HMCN2: variants seen among roughly 807,000 people sequenced by gnomAD.
The protein encoded by HMCN2 is hemicentin-2.
A neutral mutation model predicts 377.5 loss-of-function variants in HMCN2; 325 were observed. The observed-to-expected ratio is 0.86, with a 90% confidence interval of 0.79 to 0.94. HMCN2 has a LOEUF of 0.94. Ranked by LOEUF, HMCN2 falls within the 40% of genes least tolerant of loss-of-function variation. The probability of loss-of-function intolerance (pLI) is 0.00; values close to 1 mark genes in which losing one functional copy is unlikely to be tolerated. For synonymous variants in HMCN2, 2,007 were observed against 2,046.8 expected (o/e 0.98, Z 0.53); for missense variants, 4,543 against 4,725.3 (o/e 0.96, Z 1.13).
chr9:130,329,695 G>A (rs914741811), intron 22 of HMCN2, among the ~76,000 whole-genome samples: 36 of 151,994 alleles, frequency 2.4e-4, no homozygotes, highest in Admixed American at 2.2e-3. Context: ...CACCCGCCTC[G>A]GTCTCCCAAA....
Position 130,309,514 on chromosome 9 carries a change from C to CAA in HMCN2, c.2201-376_2201-375dup, listed in dbSNP as rs143190808. Among the ~76,000 whole-genome samples the CAA allele has an allele frequency of 5.7e-3, 410 of 71,776 alleles. 4 individuals are homozygous for CAA. Among genetic ancestry groups the CAA allele is most frequent in the African/African-American group, 8.7e-3 (156 of 18,016 alleles). The allele number at this position is 71,776 out of a possible 152,430, so 47.1% of individuals were successfully genotyped here. Reference sequence around the variant, plus strand: ...TAGGCAACAGAGGAAGACTCTGTCTCAAAAAAAAAAAAAAAAAAAAAAAGG... The same window carrying CAA: ...TAGGCAACAGAGGAAGACTCTGTCTCAAAAAAAAAAAAAAAAAAAAAAAAAGG... On this transcript the variant is annotated intron_variant, in intron 14 of 97. Transcript: ENST00000683500.
chr9:130,388,173 A>G (rs1842116268), intron 61 of HMCN2, among the ~76,000 whole-genome samples: 1 of 152,130 alleles, frequency 6.6e-6, no homozygotes, highest in Non-Finnish European at 1.5e-5. Context: ...CAGGTTAAGG[A>G]CTGTGGGTGA....
At chr9:130,323,157 G>T (rs943077536) in intron 19 of HMCN2, among the ~76,000 whole-genome samples, 100 of 152,266 alleles carry the variant, frequency 6.6e-4, no homozygotes, top group African/African-American at 2.3e-3. Flanking sequence ...GCTTCTGTGG[G>T]GCTAACATGA....
At chr9:130,283,430 A>T (rs1258785879) in intron 1 of HMCN2, among the ~76,000 whole-genome samples, 1 of 7,112 alleles carries the variant, frequency 1.4e-4, no homozygotes, top group Non-Finnish European at 2.9e-4. Flanking sequence ...CCCACCCCCC[A>T]CTCAGTGACG....
intron 57 of HMCN2, among the ~76,000 whole-genome samples, chr9:130,383,833 T>C (rs1274397685): frequency 1.3e-5 from 2 of 152,128 alleles, no homozygotes; most frequent in African/African-American, 4.8e-5. Flanking sequence ...CCACCACCAT[T>C]ACTGAGCACT....
chr9:130,391,845 C>T (rs1842337561), intron 65 of HMCN2, 90 bp from the exon 66 acceptor site: 6 of 791,528 alleles, frequency 7.6e-6, no homozygotes, highest in Non-Finnish European at 9.2e-6. Flanking sequence ...CGGCAGAAGT[C>T]CAGGTCTCCA....
intron 84 of HMCN2, 154 bp from the exon 85 acceptor site, chr9:130,410,417 G>GC: frequency 1.6e-6 from 1 of 611,520 alleles, no homozygotes; most frequent in Non-Finnish European, 2.9e-6. Context: ...GGTCACAGAG[G>GC]CCCTTCTGAT....
At position 130,433,381 on chromosome 9, in the gene HMCN2, C is replaced by T; in HGVS notation, c.14928C>T (p.Gly4976=). ...TCFRRCSQDC[G]TGGPSTLQYR... ...TCCGGCGCTGCTCGCAGGACTGCGG[C>T]ACGGGCGGCCCCTCTACGCTGCAGT... The change falls in exon 98 of 98, where the codon GGC becomes GGT. Residue 4976 remains glycine, a synonymous_variant. Coordinates refer to ENST00000683500, the MANE Select transcript of HMCN2 (RefSeq NM_001291815.2). 6.8e-7 allele frequency: 1 copy of T among 1,479,020 alleles called. No individual in the cohort carries two copies. The highest frequency in any genetic ancestry group is 1.3e-5 in the South Asian group (1 of 77,734). The allele number at this position is 1,479,020 out of a possible 1,614,324, so 91.6% of individuals were successfully genotyped here. A position where few individuals can be genotyped will look rare whatever the true frequency, so the allele number is the denominator to read the frequency against.
Position 130,298,843 on chromosome 9 carries a change from T to G in HMCN2, c.1013-182T>G, listed in dbSNP as rs957432026. Among the ~76,000 whole-genome samples, 85 of 152,078 alleles carry G rather than the reference T, an allele frequency of 5.6e-4. 1 individual carries two copies. Among genetic ancestry groups the G allele is most frequent in the Non-Finnish European group, 2.9e-5 (2 of 68,008 alleles). ...TTCAGCACCACGGACAGTAGCAAGG[T>G]CCCTATCTACCTATCCCACCCCCAG... On this transcript the variant is annotated intron_variant, in intron 7 of 97. Coordinates refer to ENST00000683500, the MANE Select transcript of HMCN2 (RefSeq NM_001291815.2).
At position 130,353,234 on chromosome 9, in the gene HMCN2, G is replaced by C. The variant is rs563664691; in HGVS notation, c.4864+29G>C. ...AGCAGCCAGGGGCCACGGCAGCCGG[G>C]GTGGGCAGTGGGAGGGACTCAGCCA... On this transcript the variant is annotated intron_variant, in intron 31 of 97. Coordinates refer to ENST00000683500, the MANE Select transcript of HMCN2 (RefSeq NM_001291815.2). 24 of 1,297,436 alleles carry C rather than the reference G, an allele frequency of 1.8e-5. No homozygotes were observed. The African/African-American group carries it at 3.6e-4, about 20-fold the overall frequency. 80.4% of individuals were successfully genotyped at this position (1,297,436 alleles called of 1,614,324 possible). A position where few individuals can be genotyped will look rare whatever the true frequency, so the allele number is the denominator to read the frequency against.
At chr9:130,397,755 G>A in intron 74 of HMCN2, 100 bp downstream of exon 74, 2 of 1,095,638 alleles carry the variant, frequency 1.8e-6, no homozygotes, top group Admixed American at 6.5e-5. Flanking sequence ...AGAGCCAATG[G>A]TCTTCAAATG....
intron 43 of HMCN2, among the ~76,000 whole-genome samples, 194 bp downstream of exon 43, chr9:130,366,189 G>A (rs887703337): frequency 1.3e-5 from 2 of 152,192 alleles, no homozygotes; most frequent in African/African-American, 4.8e-5. Context: ...GCCTGCAGGA[G>A]CCCCTGGTCC....
In HMCN2 at chr9:130,391,202, A is replaced by T; in HGVS notation, c.9668-2A>T. On this transcript the variant is annotated splice_acceptor_variant, in intron 63 of 97. Coordinates refer to ENST00000683500, the MANE Select transcript of HMCN2 (RefSeq NM_001291815.2). LOFTEE classifies it high-confidence loss of function. ...CAGGGCCTCACTGCACCCCTGCCTCAGTGGCCCCCCGGATCCGGAGCTCGG... is the reference window on the plus strand; with the variant it reads ...CAGGGCCTCACTGCACCCCTGCCTCTGTGGCCCCCCGGATCCGGAGCTCGG... The T allele has an allele frequency of 1.0e-6, 1 of 987,966 alleles. No individual in the cohort carries two copies. The highest frequency in any genetic ancestry group is 1.2e-6 in the Non-Finnish European group (1 of 830,292). 61.2% of individuals were successfully genotyped at this position (987,966 alleles called of 1,614,324 possible). A position where few individuals can be genotyped will look rare whatever the true frequency, so the allele number is the denominator to read the frequency against.
chr9:130,297,789 G>A (rs1175050610), intron 7 of HMCN2, among the ~76,000 whole-genome samples: 1 of 152,172 alleles, frequency 6.6e-6, no homozygotes, highest in African/African-American at 2.4e-5. Flanking sequence ...ATAGCAGAAA[G>A]GGAAGAAGCA....
intron 19 of HMCN2, among the ~76,000 whole-genome samples, chr9:130,322,853 G>T (rs1837928614): frequency 6.6e-6 from 1 of 152,156 alleles, no homozygotes; most frequent in South Asian, 2.1e-4. Context: ...AATTAAATTT[G>T]GTTGTATTTT....
chr9:130,419,001 C>T lies in HMCN2; in HGVS notation c.13191C>T (p.Leu4397=), dbSNP rs1023683446. Residue 4397 remains leucine, a synonymous_variant, in exon 86 of 98, where the codon CTC becomes CTT. Transcript: ENST00000683500. ...AGTYDCVAHN[L]LGSATARAFL... Reference sequence around the variant, plus strand: ...CCTACGACTGCGTCGCTCACAACCTCCTGGGCTCTGCCACAGCCCGGGCGT... The same window carrying T: ...CCTACGACTGCGTCGCTCACAACCTTCTGGGCTCTGCCACAGCCCGGGCGT... 1 of 1,499,422 alleles carries T rather than the reference C, an allele frequency of 6.7e-7. No homozygotes were observed. The highest frequency in any genetic ancestry group is 1.3e-5 in the South Asian group (1 of 76,880). 92.9% of individuals were successfully genotyped at this position (1,499,422 alleles called of 1,614,324 possible).
At position 130,364,870 on chromosome 9, in the gene HMCN2, C is replaced by T. The variant is rs1564819965; in HGVS notation, c.6389C>T (p.Ala2130Val). The T allele has an allele frequency of 1.0e-6, 1 of 985,954 alleles. No homozygotes were observed. 61.1% of individuals were successfully genotyped at this position (985,954 alleles called of 1,614,324 possible). Residue 2130 changes from alanine (A) to valine (V), a missense_variant, in exon 41 of 98, where the codon GCA becomes GTA. Physicochemically the swap from Ala to Val is moderately conservative, Grantham distance 64. Around this residue, in one of 5 missense-constraint regions of HMCN2, gnomAD observed 1,032 missense variants for 1,285.1 expected, o/e 0.80. Transcript: ENST00000683500. Reference sequence around the variant, plus strand: ...CCACGGCCTGGAGTCCACCTCTCCGCAGACAAAGCCTTGCTGCAGGTGTGC... The same window carrying T: ...CCACGGCCTGGAGTCCACCTCTCCGTAGACAAAGCCTTGCTGCAGGTGTGC... ...LEPRPGVHLS[A>V]DKALLQVDRA...
Position 130,351,794 on chromosome 9 carries a change from C to T in HMCN2, c.4585+217C>T, listed in dbSNP as rs183181017. ...ATTTTCCAAATCCGTGGTTTCCATC[C>T]CAGCTCTAAAAATTTACTACTTATG... On this transcript the variant is annotated intron_variant, in intron 30 of 97. Coordinates refer to ENST00000683500, the MANE Select transcript of HMCN2 (RefSeq NM_001291815.2). This position sits in a 1 kb window ranked among gnomAD's most constrained non-coding sequence, Gnocchi z 5.4. Among the ~76,000 whole-genome samples the T allele has an allele frequency of 3.9e-5, 6 of 152,174 alleles. No individual in the cohort carries two copies. The highest frequency in any genetic ancestry group is 1.2e-4 in the African/African-American group (5 of 41,504).
intron 86 of HMCN2, among the ~76,000 whole-genome samples, chr9:130,420,187 G>A (rs1036299404): frequency 6.9e-6 from 1 of 145,700 alleles, no homozygotes; most frequent in African/African-American, 2.6e-5. Flanking sequence ...CCATTCTCCT[G>A]CCTCAGCCTC....
Sources: allele counts gnomAD v4.1 joint callset (sites outside exome capture counted in the v4.1 genomes callset), GRCh38; gene constraint gnomAD v4.1.1; regional missense constraint gnomAD v4.1.1; non-coding constraint Gnocchi (gnomAD v3.1); transcripts MANE v1.5; gene names NCBI Gene and HGNC (gene_info 2026-07-23, HGNC 2026-07-21).